Variants in MYO1D observed in about 807,000 individuals in gnomAD.
The protein encoded by MYO1D is unconventional myosin-Id.
In MYO1D, 83 loss-of-function variants were observed where a neutral mutation model predicts 122.0. The ratio of observed to expected loss-of-function variants is 0.68; its 90% CI spans 0.57 to 0.82. MYO1D has a LOEUF of 0.82. MYO1D is among the 40% of genes least tolerant of loss of function. The probability of loss-of-function intolerance (pLI) is 0.00; values close to 1 mark genes in which losing one functional copy is unlikely to be tolerated. For synonymous variants in MYO1D, 464 were observed against 446.9 expected, an observed-to-expected ratio of 1.04 and a Z score of -0.48; for missense variants, 1,157 against 1,269.5, an observed-to-expected ratio of 0.91 and a Z score of 1.35.
At chr17:32,754,747 G>T (rs9892721) in intron 11 of MYO1D, among the ~76,000 whole-genome samples, 6,168 of 152,216 alleles carry the variant, frequency 0.041, 418 homozygotes, top group African/African-American at 0.14. Flanking sequence ...CAAGACTATG[G>T]GTAGGGAAGT....
intron 19 of MYO1D, among the ~76,000 whole-genome samples, chr17:32,644,289 T>C (rs1036587310): frequency 5.3e-5 from 8 of 152,240 alleles, no homozygotes; most frequent in African/African-American, 1.9e-4. Context: ...CAGTTTGTTA[T>C]AATTTCTGTT....
chr17:32,737,464 G>A (rs879359772), intron 14 of MYO1D, among the ~76,000 whole-genome samples: 20 of 151,492 alleles, frequency 1.3e-4, no homozygotes, highest in Non-Finnish European at 2.8e-4. Context: ...AGGCTCAAGC[G>A]ATCCTCCCAC....
intron 4 of MYO1D, among the ~76,000 whole-genome samples, chr17:32,773,334 A>G (rs972486448): frequency 7.2e-5 from 11 of 152,126 alleles, no homozygotes; most frequent in Non-Finnish European, 1.0e-4. Flanking sequence ...ATCTGTGAAC[A>G]CAAAACTTCA....
At chr17:32,676,677 G>A (rs752240637) in intron 16 of MYO1D, among the ~76,000 whole-genome samples, 1 of 152,130 alleles carries the variant, frequency 6.6e-6, no homozygotes, top group Non-Finnish European at 1.5e-5. Flanking sequence ...TTAGAAGGAA[G>A]ACGACCCAAG....
Position 32,876,868 on chromosome 17 carries a change from G to T in MYO1D, c.5C>A (p.Ala2Glu). 6.7e-7 allele frequency: 1 copy of T among 1,485,594 alleles called. No homozygotes were observed. Among genetic ancestry groups the T allele is most frequent in the South Asian group, 1.3e-5 (1 of 77,768 alleles). The allele number at this position is 1,485,594 out of a possible 1,614,324, so 92.0% of individuals were successfully genotyped here. A position where few individuals can be genotyped will look rare whatever the true frequency, so the allele number is the denominator to read the frequency against. Residue 2 changes from alanine to glutamate, a missense_variant, in exon 1 of 22, where the codon GCG becomes GAG. By Grantham distance (107) the Ala-to-Glu change is moderately radical (BLOSUM62 -1). Transcript: ENST00000318217. ...GCCGAATTCCAGGCTCTCCTGCTCC[G>T]CCATGGCGCCAGCGCGGGGGCTCAG... M[A>E]EQESLEFGKA...
At chr17:32,808,504 G>A (rs1341222768) in intron 1 of MYO1D, among the ~76,000 whole-genome samples, 2 of 151,954 alleles carry the variant, frequency 1.3e-5, no homozygotes, top group African/African-American at 2.4e-5. Context: ...GCTTTTATCC[G>A]ACTATAACCA....
In MYO1D at chr17:32,767,768, A is replaced by G. The variant is rs990966278; in HGVS notation, c.715-16T>C. On this transcript the variant is annotated splice_polypyrimidine_tract_variant and intron_variant, in intron 6 of 21. Transcript: ENST00000318217. The stretch of plus-strand genomic sequence containing the variant: ...TGATAGAAGACTGGGGATGAAAATG[A>G]AAAACTGAAGTTACAGATATTTCCT... 3.9e-6 allele frequency: 6 copies of G among 1,543,262 alleles called. No homozygotes were observed. The highest frequency in any genetic ancestry group is 5.4e-6 in the Non-Finnish European group (6 of 1,117,404).
intron 14 of MYO1D, among the ~76,000 whole-genome samples, chr17:32,737,256 T>C (rs1320410047): frequency 1.3e-5 from 2 of 152,184 alleles, no homozygotes; most frequent in Non-Finnish European, 1.5e-5. Flanking sequence ...CAGCAGCAGT[T>C]AGGGGTAGAA....
In MYO1D at chr17:32,702,804, C is replaced by T. The variant is rs144344533; in HGVS notation, c.2121+9184G>A. 1.1e-3 allele frequency among the ~76,000 whole-genome samples: 161 copies of T among 152,298 alleles called. 1 individual carries two copies. The highest frequency in any genetic ancestry group is 3.7e-3 in the African/African-American group (155 of 41,570). ...ACTGCCAACTGACTTCAAATTCAAG[C>T]TTGACTGTGGACCCCACAGTTCACT... On this transcript the variant is annotated intron_variant, in intron 16 of 21. Transcript: ENST00000318217.
At chr17:32,873,257 C>T (rs1195084911) in intron 1 of MYO1D, among the ~76,000 whole-genome samples, 1 of 152,174 alleles carries the variant, frequency 6.6e-6, no homozygotes, top group Non-Finnish European at 1.5e-5. Flanking sequence ...TGAGAAAACA[C>T]AGACCCATGA....
chr17:32,537,043 A>G (rs937748132), intron 21 of MYO1D, among the ~76,000 whole-genome samples: 3 of 152,214 alleles, frequency 2.0e-5, no homozygotes, highest in Non-Finnish European at 4.4e-5. Flanking sequence ...CAAGGAATGG[A>G]GAAACATCTA....
intron 1 of MYO1D, among the ~76,000 whole-genome samples, chr17:32,828,214 G>A (rs1262810179): frequency 6.6e-6 from 1 of 152,078 alleles, no homozygotes; most frequent in Non-Finnish European, 1.5e-5. Context: ...TTTCTCCCGT[G>A]CTATCAGAAA....
intron 21 of MYO1D, among the ~76,000 whole-genome samples, chr17:32,577,526 T>C (rs1205776140): frequency 6.6e-6 from 1 of 152,166 alleles, no homozygotes; most frequent in East Asian, 1.9e-4. Flanking sequence ...ACCTTTCCTT[T>C]TGCAGAAAGG....
intron 16 of MYO1D, among the ~76,000 whole-genome samples, chr17:32,703,451 GTT>G (rs919547291): frequency 2.1e-5 from 3 of 141,988 alleles, no homozygotes. Flanking sequence ...CCTTTTGCTT[GTT>G]TTTTTTTTTT....
chr17:32,821,868 G>C (rs1202271143), intron 1 of MYO1D, among the ~76,000 whole-genome samples: 2 of 152,230 alleles, frequency 1.3e-5, no homozygotes, highest in East Asian at 1.9e-4. Context: ...TGGTTTTTAG[G>C]AAACAATAGG....
chr17:32,736,445 G>C (rs1363610522), intron 14 of MYO1D, among the ~76,000 whole-genome samples: 1 of 152,208 alleles, frequency 6.6e-6, no homozygotes, highest in African/African-American at 2.4e-5. Flanking sequence ...AGGAGGTTGG[G>C]TGCCAAGCAC....
At position 32,767,192 on chromosome 17, in the gene MYO1D, G is replaced by A. The variant is rs146675726; in HGVS notation, c.831+444C>T. ...ACAAGTGGCCCAAAAGTGGTCTATG[G>A]TGTTGGCTCTGGGATGAGCTGGCTG... is the stretch of plus-strand genomic sequence containing the variant. On this transcript the variant is annotated intron_variant, in intron 7 of 21. Coordinates refer to ENST00000318217, the MANE Select transcript of MYO1D (RefSeq NM_015194.3). 2.8e-4 allele frequency among the ~76,000 whole-genome samples: 42 copies of A among 152,314 alleles called. No homozygotes were observed. The East Asian group carries it at 5.8e-3, about 21-fold the overall frequency.
chr17:32,723,698 A>G (rs535064184), intron 14 of MYO1D, among the ~76,000 whole-genome samples: 2 of 152,144 alleles, frequency 1.3e-5, no homozygotes, highest in African/African-American at 2.4e-5. Flanking sequence ...GACTACATGA[A>G]GAAAAGATGC....
chr17:32,724,613 T>C (rs2089551147), intron 14 of MYO1D, among the ~76,000 whole-genome samples: 1 of 152,096 alleles, frequency 6.6e-6, no homozygotes, highest in Non-Finnish European at 1.5e-5. Flanking sequence ...ATCTGAGTAG[T>C]GATTCTGGCA....
Sources: allele counts gnomAD v4.1 joint callset (sites outside exome capture counted in the v4.1 genomes callset), GRCh38; gene constraint gnomAD v4.1.1; transcripts MANE v1.5; gene names NCBI Gene and HGNC (gene_info 2026-07-23, HGNC 2026-07-21).